The following WASF3 variants were observed in gnomAD, a reference collection of about 807,000 sequenced individuals.
WASF3 encodes actin-binding protein WASF3.
Under a neutral mutation model 46.6 loss-of-function variants are expected in WASF3, and 11 were observed. That is an observed-to-expected ratio of 0.24 (90% CI 0.15 to 0.39). The LOEUF is 0.39. Ranked by LOEUF, WASF3 falls within the 10% of genes least tolerant of loss-of-function variation. WASF3 has a pLI of 1.00. For synonymous variants in WASF3, 242 were observed against 259.7 expected (o/e 0.93, Z 0.65); for missense variants, 576 against 669.8 (o/e 0.86, Z 1.55).
intron 2 of WASF3, among the ~76,000 whole-genome samples, chr13:26,627,568 G>A (rs1881506491): frequency 6.6e-6 from 1 of 152,082 alleles, no homozygotes; most frequent in Non-Finnish European, 1.5e-5. Flanking sequence ...GGGTGGGCTG[G>A]GGGGACGTGA....
chr13:26,660,140 A>G (rs1449096476), intron 3 of WASF3, among the ~76,000 whole-genome samples: 2 of 146,784 alleles, frequency 1.4e-5, no homozygotes, highest in Admixed American at 1.4e-4. Context: ...GTTTTTGGAA[A>G]TATTAAAACA....
intron 2 of WASF3, among the ~76,000 whole-genome samples, chr13:26,625,750 G>C (rs1473329442): frequency 2.0e-5 from 3 of 152,108 alleles, no homozygotes; most frequent in Admixed American, 2.0e-4. Context: ...AGCCCAGTCA[G>C]CTTGACACAT....
At chr13:26,656,614 T>TA (rs1292098545) in intron 3 of WASF3, among the ~76,000 whole-genome samples, 3 of 150,034 alleles carry the variant, frequency 2.0e-5, no homozygotes, top group African/African-American at 7.3e-5. Flanking sequence ...TACTAAGAAA[T>TA]AAAAAAAAGT....
chr13:26,579,163 C>T (rs1473524282), intron 1 of WASF3, among the ~76,000 whole-genome samples: 3 of 150,966 alleles, frequency 2.0e-5, no homozygotes, highest in Non-Finnish European at 4.4e-5. Context: ...CTAGGACCAG[C>T]GAATTTTTTA....
intron 3 of WASF3, among the ~76,000 whole-genome samples, chr13:26,654,894 A>G (rs1036198714): frequency 2.0e-5 from 3 of 152,198 alleles, no homozygotes; most frequent in Non-Finnish European, 2.9e-5. Flanking sequence ...AAAAAGAGGA[A>G]AAAACTTTAA....
chr13:26,590,280 T>C (rs895532961), intron 1 of WASF3, among the ~76,000 whole-genome samples: 2 of 152,200 alleles, frequency 1.3e-5, no homozygotes, highest in Non-Finnish European at 2.9e-5. Context: ...TTGTGGTATT[T>C]TTAGTTATTT....
intron 1 of WASF3, among the ~76,000 whole-genome samples, chr13:26,571,700 C>T (rs1879643010): frequency 6.6e-6 from 1 of 152,088 alleles, no homozygotes. Context: ...ATTTACTGAG[C>T]TGGTCTTTTG....
intron 5 of WASF3, among the ~76,000 whole-genome samples, chr13:26,671,299 CT>C (rs1347896431): frequency 6.6e-6 from 1 of 152,184 alleles, no homozygotes; most frequent in Non-Finnish European, 1.5e-5. Flanking sequence ...AATAAAGTTT[CT>C]GTGTAGGTTA....
chr13:26,586,353 C>T (rs1024754541), intron 1 of WASF3, among the ~76,000 whole-genome samples: 2 of 151,862 alleles, frequency 1.3e-5, no homozygotes, highest in African/African-American at 4.8e-5. Flanking sequence ...ATTTTTTTCT[C>T]CTAATGAGTA....
At chr13:26,616,577 T>G (rs1201563094) in intron 2 of WASF3, among the ~76,000 whole-genome samples, 1 of 152,208 alleles carries the variant, frequency 6.6e-6, no homozygotes, top group Non-Finnish European at 1.5e-5. Context: ...AGAATGAAAT[T>G]TTTGGGAGCC....
chr13:26,646,333 G>A (rs1462145855), intron 3 of WASF3, among the ~76,000 whole-genome samples: 1 of 152,140 alleles, frequency 6.6e-6, no homozygotes, highest in South Asian at 2.1e-4. Context: ...CATTCATCAG[G>A]TATTTAAAAA....
intron 1 of WASF3, among the ~76,000 whole-genome samples, chr13:26,571,074 G>A (rs1879618185): frequency 6.6e-6 from 1 of 151,992 alleles, no homozygotes; most frequent in East Asian, 1.9e-4. Context: ...TTATGTTCAA[G>A]GGAAATTTTT....
chr13:26,607,147 A>G (rs1037973646), intron 1 of WASF3, among the ~76,000 whole-genome samples: 1 of 152,184 alleles, frequency 6.6e-6, no homozygotes, highest in Non-Finnish European at 1.5e-5. Flanking sequence ...CTTGGACTGT[A>G]TACCTCTCAG....
chr13:26,662,780 C>A (rs969325560), intron 3 of WASF3, among the ~76,000 whole-genome samples: 8 of 152,152 alleles, frequency 5.3e-5, no homozygotes, highest in Non-Finnish European at 1.0e-4. Context: ...TGCACATGTA[C>A]CCTCTGAATC....
At chr13:26,644,196 C>T (rs1193598446) in intron 3 of WASF3, among the ~76,000 whole-genome samples, 1 of 152,192 alleles carries the variant, frequency 6.6e-6, no homozygotes, top group Non-Finnish European at 1.5e-5. Context: ...CTGGAGAAGG[C>T]AAGGAAATTG....
rs143353246 is a variant in WASF3 at position 26,630,373 on chromosome 13, T to C, written c.-10-11888T>C. On this transcript the variant is annotated intron_variant, in intron 2 of 9. Transcript: ENST00000335327. ...CCTGCCCTGTGTCCAAGTGTTCTCA[T>C]TGTTCAATTCCCACCTATGAGTGAG... Among the ~76,000 whole-genome samples, 474 of 152,270 alleles carry C rather than the reference T, an allele frequency of 3.1e-3. 3 individuals carry two copies. Among genetic ancestry groups the C allele is most frequent in the African/African-American group, 0.011 (446 of 41,552 alleles).
chr13:26,597,636 C>T (rs1480018312), intron 1 of WASF3, among the ~76,000 whole-genome samples: 2 of 152,132 alleles, frequency 1.3e-5, no homozygotes, highest in Admixed American at 6.5e-5. Context: ...CCAGAACAGG[C>T]CCCGGTGTGT....
chr13:26,552,236 C>A, the WASF3 span, among the ~76,000 whole-genome samples: 1 of 152,240 alleles, frequency 6.6e-6, no homozygotes. Context: ...GGCAACAGAC[C>A]ACATATCCAA....
chr13:26,647,798 TTAAGA>T (rs901937110), intron 3 of WASF3, among the ~76,000 whole-genome samples: 28 of 152,194 alleles, frequency 1.8e-4, no homozygotes, highest in African/African-American at 6.5e-4. Context: ...AATGGTACTA[TTAAGA>T]TAATATAGAA....
Sources: allele counts gnomAD v4.1 joint callset (sites outside exome capture counted in the v4.1 genomes callset), GRCh38; gene constraint gnomAD v4.1.1; transcripts MANE v1.5; gene names NCBI Gene and HGNC (gene_info 2026-07-23, HGNC 2026-07-21).